The following NETO2 variants were observed in gnomAD, a reference collection of about 807,000 sequenced individuals.
The protein encoded by NETO2 is neuropilin and tolloid like 2, also known as neuropilin and tolloid-like protein 2.
In NETO2, 28 loss-of-function variants were observed where a neutral mutation model predicts 62.5. The ratio of observed to expected loss-of-function variants is 0.45; its 90% CI spans 0.33 to 0.61. The LOEUF is 0.61. Among genes scored for constraint, NETO2 ranks in the 20% least tolerant of loss-of-function variants. The probability of loss-of-function intolerance (pLI) is 0.02; values close to 1 mark genes in which losing one functional copy is unlikely to be tolerated. For missense variants in NETO2, 548 were observed against 643.2 expected (o/e 0.85, Z 1.60); for synonymous variants, 214 against 219.1 (o/e 0.98, Z 0.21).
chr16:47,133,523 C>CACT (rs1964308641), intron 1 of NETO2, among the ~76,000 whole-genome samples: 1 of 151,798 alleles, frequency 6.6e-6, no homozygotes, highest in Non-Finnish European at 1.5e-5. Context: ...CGTGCCACTG[C>CACT]ACTACTGCCT....
At chr16:47,115,714 C>CATATATATATATATATATGTATATAT (rs918750034) in intron 6 of NETO2, among the ~76,000 whole-genome samples, 1 of 128,504 alleles carries the variant, frequency 7.8e-6, no homozygotes, top group African/African-American at 3.5e-5. Flanking sequence ...TATATATATA[C>CATATATATATATATATATGTATATAT]ATATATATAT....
chr16:47,110,392 T>C (rs1050478560), intron 6 of NETO2, among the ~76,000 whole-genome samples: 9 of 152,228 alleles, frequency 5.9e-5, no homozygotes, highest in East Asian at 1.9e-4. Flanking sequence ...CTAAACACTC[T>C]TGACCCATTC....
chr16:47,110,994 T>C (rs1164822290), intron 6 of NETO2, among the ~76,000 whole-genome samples: 4 of 152,248 alleles, frequency 2.6e-5, no homozygotes, highest in Non-Finnish European at 5.9e-5. Flanking sequence ...TTACAAAGTC[T>C]TCATGCGTGT....
chr16:47,095,278 A>G (rs564767904), intron 7 of NETO2, among the ~76,000 whole-genome samples: 9 of 152,338 alleles, frequency 5.9e-5, no homozygotes, highest in Non-Finnish European at 1.0e-4. Context: ...TAAAGAAAAG[A>G]AGGCAGTAAT....
At chr16:47,109,374 A>C (rs1963739821) in intron 7 of NETO2, 109 bp downstream of exon 7, 2 of 531,496 alleles carry the variant, frequency 3.8e-6, no homozygotes, top group Admixed American at 7.9e-5. Context: ...GTAGTAAAAC[A>C]AAAAAAAACA....
rs1475126533 is a variant in NETO2, at chr16:47,083,039, G to C, written c.*182C>G. 10 of 539,760 alleles carry C rather than the reference G, an allele frequency of 1.9e-5. No individual in the cohort carries two copies. The highest frequency in any genetic ancestry group is 3.2e-5 in the Non-Finnish European group (10 of 310,850). The allele number at this position is 539,760 out of a possible 1,614,324, so 33.4% of individuals were successfully genotyped here. A position where few individuals can be genotyped will look rare whatever the true frequency, so the allele number is the denominator to read the frequency against. On this transcript the variant is annotated 3_prime_UTR_variant, in exon 9 of 9. Transcript: ENST00000562435. The stretch of plus-strand genomic sequence containing the variant: ...TTCCACTGAATAGAGTAAGTTCCTT[G>C]ATTGGTTTAACATATATAGACTGCC...
At chr16:47,102,155 A>G (rs552055457) in intron 7 of NETO2, among the ~76,000 whole-genome samples, 1 of 152,350 alleles carries the variant, frequency 6.6e-6, no homozygotes, top group South Asian at 2.1e-4. Context: ...CTGATCTTTG[A>G]CAAATCTGAC....
Position 47,122,793 on chromosome 16 carries a change from A to G in NETO2, c.527-9T>C, listed in dbSNP as rs1318098301. 1 of 1,614,104 alleles carries G rather than the reference A, an allele frequency of 6.2e-7. No individual in the cohort carries two copies. Among genetic ancestry groups the G allele is most frequent in the Non-Finnish European group, 8.5e-7 (1 of 1,180,012 alleles). ...GAGCTCGAACTGACAATCTGGAAGG[A>G]ATACATGAAAGGTGTTCAAAGGAAC... On this transcript the variant is annotated splice_polypyrimidine_tract_variant and intron_variant, in intron 5 of 8. Transcript: ENST00000562435.
chr16:47,127,304 C>CA (rs1325233125), intron 4 of NETO2, among the ~76,000 whole-genome samples: 1 of 152,154 alleles, frequency 6.6e-6, no homozygotes, highest in East Asian at 1.9e-4. Context: ...TTACAGTTCT[C>CA]AGAGTGTTCT....
chr16:47,141,751 A>G (rs1964464467), intron 1 of NETO2, among the ~76,000 whole-genome samples: 2 of 152,246 alleles, frequency 1.3e-5, no homozygotes, highest in Non-Finnish European at 2.9e-5. Flanking sequence ...AGTGTAGGCT[A>G]ACACTGAAAA....
chr16:47,133,543 A>G (rs193263917), intron 1 of NETO2, among the ~76,000 whole-genome samples: 18 of 152,104 alleles, frequency 1.2e-4, no homozygotes, highest in Admixed American at 1.2e-3. Flanking sequence ...TGGGCGAAAG[A>G]GTGAGACCAT....
intron 6 of NETO2, among the ~76,000 whole-genome samples, chr16:47,116,249 C>G (rs1596729485): frequency 6.6e-6 from 1 of 151,020 alleles, no homozygotes; most frequent in Non-Finnish European, 1.5e-5. Context: ...GCCTCCTTAA[C>G]AGCTGGAACT....
At chr16:47,090,146 T>C (rs889364093) in intron 7 of NETO2, among the ~76,000 whole-genome samples, 3 of 152,076 alleles carry the variant, frequency 2.0e-5, no homozygotes, top group African/African-American at 7.2e-5. Context: ...ACTTCAAAGG[T>C]GGCCTTAAAG....
chr16:47,141,460 TAAAA>T (rs796841662), intron 1 of NETO2, among the ~76,000 whole-genome samples: 1 of 142,578 alleles, frequency 7.0e-6, no homozygotes, highest in African/African-American at 2.6e-5. Flanking sequence ...ATGCGTTTGG[TAAAA>T]AAAAAAAACA....
chr16:47,114,641 G>A (rs1471050667), intron 6 of NETO2, among the ~76,000 whole-genome samples: 1 of 151,136 alleles, frequency 6.6e-6, no homozygotes, highest in East Asian at 2.0e-4. Flanking sequence ...TAGTAGAGAC[G>A]GGGTTTTACC....
chr16:47,083,190 C>T lies in NETO2; in HGVS notation c.*31G>A. Reference sequence around the variant, plus strand: ...CCCTGGAGGCTGCGTACGTACACACCCTAAGAATTCACATCACCATTAGCA... The same window carrying T: ...CCCTGGAGGCTGCGTACGTACACACTCTAAGAATTCACATCACCATTAGCA... On this transcript the variant is annotated 3_prime_UTR_variant, in exon 9 of 9. Coordinates refer to ENST00000562435, the MANE Select transcript of NETO2 (RefSeq NM_018092.5). 6 of 1,572,406 alleles carry T rather than the reference C, an allele frequency of 3.8e-6. No homozygotes were observed. Among genetic ancestry groups the T allele is most frequent in the Non-Finnish European group, 5.2e-6 (6 of 1,156,394 alleles).
chr16:47,143,780 G>A lies in NETO2; in HGVS notation c.-168C>T, dbSNP rs548213305. 454 of 943,818 alleles carry A rather than the reference G, an allele frequency of 4.8e-4. 2 individuals are homozygous for A. In the African/African-American group the frequency reaches 6.6e-3, roughly 14 times the overall value. 58.5% of individuals were successfully genotyped at this position (943,818 alleles called of 1,614,324 possible). A position where few individuals can be genotyped will look rare whatever the true frequency, so the allele number is the denominator to read the frequency against. ...TCAGGTCCTGCGGCCCGCCATGCCC[G>A]AGCCCCACAGTGGGCTCCCGCGCGG... On this transcript the variant is annotated 5_prime_UTR_variant, in exon 1 of 9. Coordinates refer to ENST00000562435, the MANE Select transcript of NETO2 (RefSeq NM_018092.5).
chr16:47,109,422 G>A, intron 7 of NETO2, 61 bp downstream of exon 7: 1 of 1,172,646 alleles, frequency 8.5e-7, no homozygotes, highest in Non-Finnish European at 1.3e-6. Flanking sequence ...AATGCTGAGT[G>A]TACTGTGAAT....
rs1963053971 is a variant in NETO2 at position 47,081,159 on chromosome 16, T to G, written c.*2062A>C. On this transcript the variant is annotated 3_prime_UTR_variant, in exon 9 of 9. Transcript: ENST00000562435. ...GCTATTATAATCTAAAGATTAAATA[T>G]AGGTTTAACAGCTATTTTAAAAAAT... 1 of 152,162 alleles carries G rather than the reference T, an allele frequency of 6.6e-6. No homozygotes were observed. Among genetic ancestry groups the G allele is most frequent in the African/African-American group, 2.4e-5 (1 of 41,452 alleles). The allele number at this position is 152,162 out of a possible 1,614,324, so 9.4% of individuals were successfully genotyped here. A position where few individuals can be genotyped will look rare whatever the true frequency, so the allele number is the denominator to read the frequency against.
Sources: gnomAD v4.1 joint callset for allele counts (sites outside exome capture counted in the v4.1 genomes callset) on GRCh38, gnomAD v4.1.1 for gene constraint, MANE v1.5 for transcripts, NCBI Gene and HGNC (gene_info 2026-07-23, HGNC 2026-07-21) for gene names.